KAT7: variants seen among roughly 807,000 people sequenced by gnomAD.
The protein encoded by KAT7 is histone acetyltransferase KAT7.
KAT7 carries 10 observed loss-of-function variants against 82.1 expected under a neutral mutation model. That is an observed-to-expected ratio of 0.12 (90% confidence interval 0.08 to 0.21). The LOEUF (loss-of-function observed/expected upper bound fraction) is 0.21. Ranked by LOEUF, KAT7 falls within the 10% of genes least tolerant of loss-of-function variation. The pLI is 1.00. For missense variants in KAT7, 378 were observed against 760.9 expected (o/e 0.50, Z 5.92); for synonymous variants, 250 against 262.5 (o/e 0.95, Z 0.46).
intron 7 of KAT7, among the ~76,000 whole-genome samples, chr17:49,813,000 CTTTT>C (rs34339283): frequency 6.8e-5 from 7 of 102,776 alleles, no homozygotes; most frequent in East Asian, 2.7e-4. Context: ...TGCACCCAGC[CTTTT>C]TTTTTTTTTT....
At chr17:49,812,182 T>A (rs2074174483) in intron 7 of KAT7, among the ~76,000 whole-genome samples, 1 of 151,894 alleles carries the variant, frequency 6.6e-6, no homozygotes, top group African/African-American at 2.4e-5. Flanking sequence ...ATTTACATAA[T>A]TACCTTCTTA....
chr17:49,798,208 G>C, intron 3 of KAT7, 111 bp from the exon 4 acceptor site: 3 of 962,894 alleles, frequency 3.1e-6, no homozygotes, highest in Non-Finnish European at 4.6e-6. Context: ...ATAGCTGAAA[G>C]TTACTGGTTA....
intron 4 of KAT7, among the ~76,000 whole-genome samples, chr17:49,803,048 T>C (rs1240572513): frequency 1.3e-5 from 2 of 149,702 alleles, no homozygotes; most frequent in Non-Finnish European, 3.0e-5. Context: ...ATTGTATGTA[T>C]GGTATTTGAT....
intron 8 of KAT7, among the ~76,000 whole-genome samples, chr17:49,816,952 C>A (rs2074242521): frequency 6.6e-6 from 1 of 152,102 alleles, no homozygotes; most frequent in Non-Finnish European, 1.5e-5. Flanking sequence ...GCTGGGACTA[C>A]AGGCATGCCA....
chr17:49,794,859 C>G (rs2073935399), intron 2 of KAT7, among the ~76,000 whole-genome samples: 1 of 152,106 alleles, frequency 6.6e-6, no homozygotes, highest in Admixed American at 6.6e-5. Context: ...GTAAGGTGGT[C>G]CTCCCTAGAG....
rs776849254 is a variant in KAT7, at chr17:49,821,339, C to T, written c.1158C>T (p.Ala386=). The stretch of plus-strand genomic sequence containing the variant: ...ATGTGAATTTCATTGTCTTGCAGGC[C>T]AAATGTGTGTGGAAACACCCACCTG... ...KSQTILRRHM[A]KCVWKHPPGD... Residue 386 remains alanine, a splice_region_variant and synonymous_variant, in exon 10 of 15, where the codon GCC becomes GCT. Transcript: ENST00000259021. 4 of 1,612,616 alleles carry T rather than the reference C, an allele frequency of 2.5e-6. No homozygotes were observed. Among genetic ancestry groups the T allele is most frequent in the Middle Eastern group, 3.3e-4 (2 of 5,986 alleles).
chr17:49,806,513 C>T (rs1046200219), intron 5 of KAT7, among the ~76,000 whole-genome samples: 5 of 152,224 alleles, frequency 3.3e-5, no homozygotes, highest in Non-Finnish European at 7.4e-5. Flanking sequence ...GGGACTAAAT[C>T]AAAACAGAAA....
rs778263939 is a variant in KAT7, at chr17:49,830,208, T to TTTTTTTTA, written c.*2706_*2707insTTTTTTTA. 2.4e-5 allele frequency: 2 copies of TTTTTTTTA among 84,158 alleles called. No individual in the cohort carries two copies. Among genetic ancestry groups the TTTTTTTTA allele is most frequent in the Admixed American group, 1.7e-4 (1 of 5,922 alleles). The allele number at this position is 84,158 out of a possible 1,614,324, so 5.2% of individuals were successfully genotyped here. A position where few individuals can be genotyped will look rare whatever the true frequency, so the allele number is the denominator to read the frequency against. On this transcript the variant is annotated 3_prime_UTR_variant, in exon 15 of 15. Transcript: ENST00000259021. The stretch of plus-strand genomic sequence containing the variant: ...TTTTTTTTTTTTTTTTTTTTTTTTT[T>TTTTTTTTA]AAAAAAAGACAGTCTCACTCTATCA...
At chr17:49,797,905 C>G (rs770419708) in intron 3 of KAT7, among the ~76,000 whole-genome samples, 12 of 152,180 alleles carry the variant, frequency 7.9e-5, no homozygotes, top group Non-Finnish European at 1.2e-4. Context: ...CAGGCTCACT[C>G]AAGACTCTAA....
intron 9 of KAT7, 62 bp from the exon 10 acceptor site, chr17:49,821,274 CT>C: frequency 7.9e-7 from 1 of 1,262,862 alleles, no homozygotes; most frequent in Non-Finnish European, 1.1e-6. Context: ...TTCCTTTTCC[CT>C]TTTGAGGAGC....
chr17:49,796,351 C>T (rs965786223), intron 2 of KAT7, among the ~76,000 whole-genome samples: 27 of 152,202 alleles, frequency 1.8e-4, no homozygotes, highest in Non-Finnish European at 3.7e-4. Flanking sequence ...TACCACGGAT[C>T]ATGTTAAGTG....
Position 49,834,744 on chromosome 17 carries a change from C to CA in KAT7, c.*7243dup, listed in dbSNP as rs2074449777. Reference sequence around the variant, plus strand: ...TGTGGTCAAATAAATTTGGAAAACACAGAGTGTTTCCAAAGTTAGTATCAG... The same window carrying CA: ...TGTGGTCAAATAAATTTGGAAAACACAAGAGTGTTTCCAAAGTTAGTATCAG... On this transcript the variant is annotated 3_prime_UTR_variant, in exon 15 of 15. Coordinates refer to ENST00000259021, the MANE Select transcript of KAT7 (RefSeq NM_007067.5). The CA allele has an allele frequency of 6.6e-6, 1 of 152,158 alleles. No homozygotes were observed. The highest frequency in any genetic ancestry group is 1.5e-5 in the Non-Finnish European group (1 of 68,050). The allele number at this position is 152,158 out of a possible 1,614,324, so 9.4% of individuals were successfully genotyped here.
At chr17:49,788,969 C>T (rs2073845460) in intron 1 of KAT7, 120 bp downstream of exon 1, 2 of 924,212 alleles carry the variant, frequency 2.2e-6, no homozygotes. Context: ...GAACCTTGTT[C>T]AGCTACCCTC....
rs142618698 is a variant in KAT7 at position 49,788,994 on chromosome 17, C to T, written c.15+145C>T. The T allele has an allele frequency of 1.7e-4, 114 of 683,982 alleles. No homozygotes were observed. In the Middle Eastern group the frequency reaches 6.3e-3, roughly 38 times the overall value. 42.4% of individuals were successfully genotyped at this position (683,982 alleles called of 1,614,324 possible). A position where few individuals can be genotyped will look rare whatever the true frequency, so the allele number is the denominator to read the frequency against. ...CAGCTACCCTCTCTTCTGTCCATAC[C>T]CAACAGAAAAATGTGGGCCCGACCC... is the stretch of plus-strand genomic sequence containing the variant. On this transcript the variant is annotated intron_variant, in intron 1 of 14. Transcript: ENST00000259021.
chr17:49,825,953 A>T (rs756236382), intron 12 of KAT7, 47 bp from the exon 13 acceptor site: 2 of 1,574,564 alleles, frequency 1.3e-6, no homozygotes, highest in East Asian at 2.3e-5. Context: ...TGCTATTAGG[A>T]TAAGATCGAG....
chr17:49,821,916 A>G, intron 11 of KAT7, 126 bp downstream of exon 11: 1 of 792,492 alleles, frequency 1.3e-6, no homozygotes, highest in Non-Finnish European at 2.0e-6. Context: ...CCTTCCTTAA[A>G]TTAAAAAAAA....
chr17:49,793,057 T>C (rs1436384785), intron 2 of KAT7, among the ~76,000 whole-genome samples: 1 of 152,184 alleles, frequency 6.6e-6, no homozygotes, highest in African/African-American at 2.4e-5. Flanking sequence ...AAGCAGTCCT[T>C]CCACCTTGGC....
intron 9 of KAT7, among the ~76,000 whole-genome samples, chr17:49,820,084 G>C (rs986285919): frequency 6.6e-5 from 10 of 152,142 alleles, no homozygotes; most frequent in Admixed American, 5.9e-4. Flanking sequence ...GTGAGACTCT[G>C]TTGCTTCAAA....
chr17:49,816,241 A>G (rs573850983), intron 8 of KAT7, among the ~76,000 whole-genome samples: 1 of 152,338 alleles, frequency 6.6e-6, no homozygotes, highest in South Asian at 2.1e-4. Flanking sequence ...CCTGTAGCCT[A>G]GGAGAGACTC....
Sources: gnomAD v4.1 joint callset for allele counts (sites outside exome capture counted in the v4.1 genomes callset) on GRCh38, gnomAD v4.1.1 for gene constraint, MANE v1.5 for transcripts, NCBI Gene and HGNC (gene_info 2026-07-23, HGNC 2026-07-21) for gene names.